Variants in ITFG1 observed in about 807,000 individuals in gnomAD.
The protein encoded by ITFG1 is integrin alpha FG-GAP repeat containing 1, also known as T-cell immunomodulatory protein.
In ITFG1, 34 loss-of-function variants were observed where a neutral mutation model predicts 81.8. The observed-to-expected ratio is 0.42, with a 90% CI of 0.32 to 0.55. The LOEUF is 0.55. Among genes scored for constraint, ITFG1 ranks in the 20% least tolerant of loss-of-function variants. The pLI, the probability that ITFG1 is intolerant of heterozygous loss-of-function variation, is 0.17. For missense variants in ITFG1, 672 were observed against 755.4 expected, an observed-to-expected ratio of 0.89 and a Z score of 1.29; for synonymous variants, 285 against 270.6, an observed-to-expected ratio of 1.05 and a Z score of -0.52.
At chr16:47,436,454 G>T (rs1370101700) in intron 5 of ITFG1, among the ~76,000 whole-genome samples, 1 of 151,984 alleles carries the variant, frequency 6.6e-6, no homozygotes, top group African/African-American at 2.4e-5. Flanking sequence ...TAAGCCAAAG[G>T]TAAAATTTTA....
At chr16:47,444,614 A>G (rs559215766) in intron 5 of ITFG1, among the ~76,000 whole-genome samples, 4 of 152,340 alleles carry the variant, frequency 2.6e-5, no homozygotes, top group Non-Finnish European at 4.4e-5. Flanking sequence ...ATAAAATTTC[A>G]TAAGATAAAA....
At chr16:47,201,546 A>G (rs377745769) in intron 14 of ITFG1, among the ~76,000 whole-genome samples, 5 of 152,146 alleles carry the variant, frequency 3.3e-5, no homozygotes, top group African/African-American at 1.2e-4. Flanking sequence ...AGAACTAAAA[A>G]TATCTTACTG....
At chr16:47,215,523 G>A (rs955051531) in intron 14 of ITFG1, among the ~76,000 whole-genome samples, 1 of 152,028 alleles carries the variant, frequency 6.6e-6, no homozygotes, top group Non-Finnish European at 1.5e-5. Flanking sequence ...AGTAACATAC[G>A]TTAGTTTGTT....
intron 5 of ITFG1, among the ~76,000 whole-genome samples, chr16:47,432,629 T>C (rs1969109236): frequency 6.6e-6 from 1 of 152,216 alleles, no homozygotes; most frequent in Non-Finnish European, 1.5e-5. Flanking sequence ...AACTCTATAA[T>C]ATAAAGTCAT....
At chr16:47,275,022 A>C (rs2151547673) in intron 10 of ITFG1, among the ~76,000 whole-genome samples, 1 of 152,350 alleles carries the variant, frequency 6.6e-6, no homozygotes, top group Non-Finnish European at 1.5e-5. Context: ...TCTAAGACTT[A>C]TGAACAATAG....
intron 7 of ITFG1, among the ~76,000 whole-genome samples, chr16:47,369,614 T>C (rs1968223295): frequency 1.3e-5 from 2 of 152,180 alleles, no homozygotes. Context: ...CCTATTTGTA[T>C]ATTTATGTTC....
intron 17 of ITFG1, 118 bp downstream of exon 17, chr16:47,158,755 A>G (rs2151505006): frequency 1.8e-6 from 1 of 549,140 alleles, no homozygotes; most frequent in South Asian, 2.8e-5. Flanking sequence ...AACTTGAAAA[A>G]TGATGAAATT....
intron 10 of ITFG1, among the ~76,000 whole-genome samples, chr16:47,309,361 C>T (rs1053738416): frequency 6.6e-6 from 1 of 152,158 alleles, no homozygotes; most frequent in African/African-American, 2.4e-5. Context: ...TGAGCCACCA[C>T]GCCTGGCCTA....
intron 8 of ITFG1, among the ~76,000 whole-genome samples, chr16:47,363,875 C>G (rs1314873932): frequency 1.3e-5 from 2 of 152,026 alleles, no homozygotes; most frequent in African/African-American, 4.8e-5. Context: ...AAACACTTCT[C>G]TTTGGTACAG....
chr16:47,396,650 T>C (rs373208999), intron 6 of ITFG1, among the ~76,000 whole-genome samples: 4 of 152,098 alleles, frequency 2.6e-5, no homozygotes, highest in African/African-American at 9.6e-5. Context: ...AGAGGGTTAG[T>C]AATAATTTAC....
At chr16:47,368,542 C>A (rs1023727100) in intron 7 of ITFG1, among the ~76,000 whole-genome samples, 6 of 95,698 alleles carry the variant, frequency 6.3e-5, no homozygotes, top group Non-Finnish European at 9.1e-5. Flanking sequence ...GGTGACAGAG[C>A]AAGACTCCAT....
intron 9 of ITFG1, chr16:47,312,521 A>G (rs1967282572): frequency 6.6e-6 from 1 of 152,208 alleles, no homozygotes; most frequent in Non-Finnish European, 1.5e-5. Flanking sequence ...TTTAAAAAAA[A>G]AGGTATGCAT....
upstream of ITFG1, chr16:47,461,123 A>G (rs1478249069): frequency 7.4e-7 from 1 of 1,355,910 alleles, no homozygotes; most frequent in Non-Finnish European, 9.8e-7. Flanking sequence ...ACCGGCCGAG[A>G]GAGTGGCGCG....
intron 8 of ITFG1, among the ~76,000 whole-genome samples, chr16:47,320,540 T>A (rs564437393): frequency 1.1e-4 from 16 of 152,348 alleles, no homozygotes; most frequent in Non-Finnish European, 2.1e-4. Flanking sequence ...CCACACCAAT[T>A]ACTGAATGAT....
intron 7 of ITFG1, among the ~76,000 whole-genome samples, chr16:47,366,940 A>C (rs556515970): frequency 2.0e-4 from 30 of 152,216 alleles, no homozygotes; most frequent in African/African-American, 7.0e-4. Flanking sequence ...TCTGCAGTGG[A>C]TACTACCTGG....
intron 10 of ITFG1, among the ~76,000 whole-genome samples, chr16:47,265,440 A>G (rs564961760): frequency 6.6e-6 from 1 of 152,238 alleles, no homozygotes; most frequent in African/African-American, 2.4e-5. Flanking sequence ...GTCTAAACAA[A>G]CAAAAACCAA....
chr16:47,367,537 CTA>C (rs1023527563), intron 7 of ITFG1, among the ~76,000 whole-genome samples: 1 of 152,274 alleles, frequency 6.6e-6, no homozygotes, highest in African/African-American at 2.4e-5. Flanking sequence ...TTCAGAAGTT[CTA>C]TGTTAGGAAG....
intron 8 of ITFG1, among the ~76,000 whole-genome samples, chr16:47,364,000 C>G (rs1242775985): frequency 3.3e-5 from 5 of 152,034 alleles, no homozygotes; most frequent in East Asian, 1.9e-4. Flanking sequence ...TGTTTTGGTT[C>G]AAAGGAAGTA....
chr16:47,175,050 C>T (rs1429901709), intron 14 of ITFG1, among the ~76,000 whole-genome samples: 1 of 152,158 alleles, frequency 6.6e-6, no homozygotes, highest in Non-Finnish European at 1.5e-5. Context: ...GTCATCTTAT[C>T]TGATAATCAT....
Sources: allele counts gnomAD v4.1 joint callset (sites outside exome capture counted in the v4.1 genomes callset), GRCh38; gene constraint gnomAD v4.1.1; transcripts MANE v1.5; gene names NCBI Gene and HGNC (gene_info 2026-07-23, HGNC 2026-07-21).